Variants in PHF20 observed in about 807,000 individuals in gnomAD.
The protein encoded by PHF20 is PHD finger protein 20, also known as glioma-expressed antigen 2.
A neutral mutation model predicts 113.5 loss-of-function variants in PHF20; 23 were observed. The observed-to-expected ratio is 0.20, with a 90% confidence interval of 0.15 to 0.29. PHF20 has a LOEUF of 0.29. Among genes scored for constraint, PHF20 ranks in the 10% least tolerant of loss-of-function variants. The probability of loss-of-function intolerance (pLI) is 1.00; values close to 1 mark genes in which losing one functional copy is unlikely to be tolerated. For missense variants in PHF20, 943 were observed against 1,219.6 expected, an observed-to-expected ratio of 0.77 and a Z score of 3.38; for synonymous variants, 434 against 457.3, an observed-to-expected ratio of 0.95 and a Z score of 0.65.
chr20:35,772,663 C>G (rs574048498), intron 1 of PHF20, among the ~76,000 whole-genome samples: 15 of 152,150 alleles, frequency 9.9e-5, no homozygotes, highest in East Asian at 1.9e-4. Context: ...CCTCCCCCCC[C>G]CAAATTTAGG....
chr20:35,890,961 A>G (rs373150486), intron 9 of PHF20, among the ~76,000 whole-genome samples: 1 of 152,358 alleles, frequency 6.6e-6, no homozygotes, highest in East Asian at 1.9e-4. Flanking sequence ...ATGGAAACAT[A>G]TAGGAGAGTT....
At chr20:35,928,666 G>A (rs2055692692) in intron 14 of PHF20, 1 of 152,130 alleles carries the variant, frequency 6.6e-6, no homozygotes, top group Non-Finnish European at 1.5e-5. Context: ...ATGTGCTGCC[G>A]AAGTGGCACC....
intron 10 of PHF20, among the ~76,000 whole-genome samples, chr20:35,911,993 T>TC (rs1485991294): frequency 4.1e-5 from 6 of 147,942 alleles, no homozygotes; most frequent in African/African-American, 1.5e-4. Context: ...TTTTTTTTTT[T>TC]TTCTTTGAGA....
intron 5 of PHF20, among the ~76,000 whole-genome samples, chr20:35,862,228 AC>A (rs1359145170): frequency 6.6e-6 from 1 of 152,082 alleles, no homozygotes; most frequent in Non-Finnish European, 1.5e-5. Context: ...GAAAGCAGAG[AC>A]CCTGGTTCTG....
At position 35,793,300 on chromosome 20, in the gene PHF20, T is replaced by C. The variant is rs1044415032; in HGVS notation, c.-32-8191T>C. Among the ~76,000 whole-genome samples, 8 of 151,052 alleles carry C rather than the reference T, an allele frequency of 5.3e-5. No homozygotes were observed. The East Asian group carries it at 1.6e-3, about 29-fold the overall frequency. ...AGTTCCTCAGAGAGTCCTTTCTTTT[T>C]CTTTTTTTTTTTTTTTGAGACAAGA... On this transcript the variant is annotated intron_variant, in intron 1 of 17. Coordinates refer to ENST00000374012, the MANE Select transcript of PHF20 (RefSeq NM_016436.5).
At chr20:35,891,366 G>C (rs1444996416) in intron 9 of PHF20, among the ~76,000 whole-genome samples, 1 of 135,360 alleles carries the variant, frequency 7.4e-6, no homozygotes, top group Non-Finnish European at 1.5e-5. Context: ...GACAGAGAGA[G>C]ACTCTATGTC....
chr20:35,911,107 CT>C (rs1258618235), intron 10 of PHF20, among the ~76,000 whole-genome samples: 4 of 152,068 alleles, frequency 2.6e-5, no homozygotes, highest in Admixed American at 2.0e-4. Context: ...GTGGCCAGAC[CT>C]CAGCTCACTG....
At chr20:35,915,503 CA>C (rs1252769367) in intron 12 of PHF20, among the ~76,000 whole-genome samples, 2 of 151,972 alleles carry the variant, frequency 1.3e-5, no homozygotes, top group Non-Finnish European at 2.9e-5. Flanking sequence ...TCTCCTGTCT[CA>C]ACCTCCCAAG....
At chr20:35,862,861 C>T (rs954558130) in intron 5 of PHF20, 152 bp from the exon 6 acceptor site, 21 of 647,530 alleles carry the variant, frequency 3.2e-5, no homozygotes, top group Non-Finnish European at 4.5e-5. Flanking sequence ...CAACTCAGTA[C>T]AGGTGGCTGT....
intron 1 of PHF20, among the ~76,000 whole-genome samples, chr20:35,773,270 C>A (rs911794041): frequency 6.6e-6 from 1 of 152,152 alleles, no homozygotes; most frequent in Non-Finnish European, 1.5e-5. Context: ...GGCGAGTGGT[C>A]TGTGGTTTTG....
chr20:35,881,748 A>G (rs1217613578), intron 9 of PHF20, among the ~76,000 whole-genome samples: 1 of 152,166 alleles, frequency 6.6e-6, no homozygotes, highest in Non-Finnish European at 1.5e-5. Context: ...TAAATTTGAA[A>G]AGAACTCCAG....
intron 2 of PHF20, among the ~76,000 whole-genome samples, chr20:35,808,328 A>T (rs1765838392): frequency 6.6e-6 from 1 of 152,030 alleles, no homozygotes; most frequent in Non-Finnish European, 1.5e-5. Flanking sequence ...GACAGTGATG[A>T]TAGCAGCCTT....
At chr20:35,795,117 GGGA>G (rs1030696313) in intron 1 of PHF20, among the ~76,000 whole-genome samples, 2 of 151,628 alleles carry the variant, frequency 1.3e-5, no homozygotes, top group African/African-American at 4.8e-5. Flanking sequence ...GCTTGAACCC[GGGA>G]GGAGGAGGTT....
At chr20:35,884,455 T>TGATTG (rs2054689942) in intron 9 of PHF20, among the ~76,000 whole-genome samples, 1 of 152,164 alleles carries the variant, frequency 6.6e-6, no homozygotes, top group Non-Finnish European at 1.5e-5. Context: ...GAATGAGTGC[T>TGATTG]CAGTGATTTC....
intron 7 of PHF20, 92 bp from the exon 8 acceptor site, chr20:35,870,853 TCTGTAAAGTC>T: frequency 1.3e-6 from 1 of 745,422 alleles, no homozygotes; most frequent in Non-Finnish European, 2.1e-6. Flanking sequence ...CAGTAGTCTC[TCTGTAAAGTC>T]CTTTTAGAGA....
intron 2 of PHF20, among the ~76,000 whole-genome samples, chr20:35,817,042 G>A (rs1048707510): frequency 6.8e-6 from 1 of 146,230 alleles, no homozygotes; most frequent in South Asian, 2.2e-4. Flanking sequence ...CACCCTCCTT[G>A]TCCTCCCAAA....
chr20:35,790,691 G>A (rs2041527125), intron 1 of PHF20, among the ~76,000 whole-genome samples: 1 of 152,116 alleles, frequency 6.6e-6, no homozygotes, highest in Non-Finnish European at 1.5e-5. Flanking sequence ...CATAACCGCT[G>A]TGTCCCACAG....
rs774112602 is a variant in PHF20 at position 35,921,804 on chromosome 20, C to T, written c.2004+4142C>T. ...GGATGTTGAAGATCTTTAGTTTCTACTCTGTCATCCTTGAGCATATGCTCA... is the reference window on the plus strand; with the variant it reads ...GGATGTTGAAGATCTTTAGTTTCTATTCTGTCATCCTTGAGCATATGCTCA... On this transcript the variant is annotated intron_variant, in intron 13 of 17. Coordinates refer to ENST00000374012, the MANE Select transcript of PHF20 (RefSeq NM_016436.5). Among the ~76,000 whole-genome samples, 13 of 151,886 alleles carry T rather than the reference C, an allele frequency of 8.6e-5. No homozygotes were observed. In the East Asian group the frequency reaches 1.7e-3, roughly 20 times the overall value.
intron 1 of PHF20, chr20:35,775,082 G>A (rs1171537610): frequency 1.3e-5 from 2 of 152,090 alleles, no homozygotes; most frequent in South Asian, 2.1e-4. Context: ...TCTTTCTTTG[G>A]CTGCTTGATA....
Sources: gnomAD v4.1 joint callset for allele counts (sites outside exome capture counted in the v4.1 genomes callset) on GRCh38, gnomAD v4.1.1 for gene constraint, MANE v1.5 for transcripts, NCBI Gene and HGNC (gene_info 2026-07-23, HGNC 2026-07-21) for gene names.